CADPS: variants seen among roughly 807,000 people sequenced by gnomAD.
CADPS encodes calcium-dependent secretion activator 1.
CADPS carries 57 observed loss-of-function variants against 167.3 expected under a neutral mutation model. That is an observed-to-expected ratio of 0.34 (90% CI 0.28 to 0.42). The LOEUF (loss-of-function observed/expected upper bound fraction) is 0.42. Ranked by LOEUF, CADPS falls within the 20% of genes least tolerant of loss-of-function variation. CADPS has a pLI of 1.00. For missense variants in CADPS, 1,414 were observed against 1,738.1 expected (o/e 0.81, Z 3.32); for synonymous variants, 676 against 635.3 (o/e 1.06, Z -0.96).
chr3:62,580,076 G>A (rs752645319), intron 8 of CADPS, among the ~76,000 whole-genome samples: 3 of 152,180 alleles, frequency 2.0e-5, no homozygotes, highest in Non-Finnish European at 4.4e-5. Flanking sequence ...AGGACTGCCT[G>A]AGGCTAAGAG....
At chr3:62,607,811 C>T (rs757854512) in intron 6 of CADPS, among the ~76,000 whole-genome samples, 5 of 152,190 alleles carry the variant, frequency 3.3e-5, no homozygotes, top group African/African-American at 4.8e-5. Context: ...CAGGGACTGG[C>T]TTGTGGGTTT....
chr3:62,500,818 G>C (rs531389882), intron 17 of CADPS, among the ~76,000 whole-genome samples: 1 of 152,080 alleles, frequency 6.6e-6, no homozygotes, highest in Admixed American at 6.6e-5. Context: ...CAAAAAAAAA[G>C]GTTCTTAATA....
At chr3:62,750,353 CAAAAAAAAAAA>C (rs56069272) in intron 3 of CADPS, among the ~76,000 whole-genome samples, 2 of 44,890 alleles carry the variant, frequency 4.5e-5, no homozygotes, top group Non-Finnish European at 7.6e-5. Flanking sequence ...TCTTAAGCTC[CAAAAAAAAAAA>C]AAAAAAAAAA....
rs775850925 is a variant in CADPS, at chr3:62,420,861, A to AACACAC, written c.3777+17237_3777+17242dup. 6.1e-3 allele frequency among the ~76,000 whole-genome samples: 813 copies of AACACAC among 133,930 alleles called. 5 individuals are homozygous for AACACAC. The highest frequency in any genetic ancestry group is 0.017 in the East Asian group (77 of 4,634). The allele number at this position is 133,930 out of a possible 152,430, so 87.9% of individuals were successfully genotyped here. The stretch of plus-strand genomic sequence containing the variant: ...TTTTCTCTTTATGGGAGGGAGAACG[A>AACACAC]ACACACACACACACACACACACACA... On this transcript the variant is annotated intron_variant, in intron 28 of 29. Transcript: ENST00000383710. This position sits in a 1 kb window ranked among gnomAD's most constrained non-coding sequence, Gnocchi z 4.1.
intron 2 of CADPS, among the ~76,000 whole-genome samples, chr3:62,757,809 T>C (rs1347897859): frequency 6.6e-6 from 1 of 152,152 alleles, no homozygotes; most frequent in Non-Finnish European, 1.5e-5. Flanking sequence ...CTCACAATCA[T>C]GGTGGAAGTC....
intron 26 of CADPS, among the ~76,000 whole-genome samples, chr3:62,453,003 T>C (rs2058263345): frequency 6.6e-6 from 1 of 151,870 alleles, no homozygotes; most frequent in South Asian, 2.1e-4. Context: ...TGTGGTTGTG[T>C]GCACCTATAT....
chr3:62,854,879 G>A (rs572153), intron 1 of CADPS, among the ~76,000 whole-genome samples: 10,839 of 152,010 alleles, frequency 0.071, 1,325 homozygotes, highest in African/African-American at 0.25. Flanking sequence ...TTATTTCAAA[G>A]ACTCAAACAT....
intron 13 of CADPS, chr3:62,530,767 G>T (rs1392281053): frequency 1.7e-5 from 22 of 1,288,166 alleles, no homozygotes; most frequent in Non-Finnish European, 2.1e-5. Context: ...TCCCTTCAGG[G>T]TCTGTATTTG....
intron 5 of CADPS, among the ~76,000 whole-genome samples, chr3:62,648,822 A>G (rs1324932100): frequency 6.6e-6 from 1 of 152,178 alleles, no homozygotes; most frequent in Admixed American, 6.6e-5. Context: ...AATTGGCAAT[A>G]ATCAAATTCA....
chr3:62,605,404 G>C (rs1163596481), intron 6 of CADPS, among the ~76,000 whole-genome samples: 1 of 152,204 alleles, frequency 6.6e-6, no homozygotes, highest in Non-Finnish European at 1.5e-5. Flanking sequence ...TCATCTAACA[G>C]CTTTATGATC....
At chr3:62,531,339 G>C (rs990845923) in intron 13 of CADPS, among the ~76,000 whole-genome samples, 5 of 152,144 alleles carry the variant, frequency 3.3e-5, no homozygotes, top group Admixed American at 2.0e-4. Context: ...CCAGGTATCA[G>C]AGTTTTCATG....
In CADPS at chr3:62,420,618, A is replaced by G. The variant is rs539011074; in HGVS notation, c.3778-17433T>C. On this transcript the variant is annotated intron_variant, in intron 28 of 29. Coordinates refer to ENST00000383710, the MANE Select transcript of CADPS (RefSeq NM_003716.4). This position sits in a 1 kb window ranked among gnomAD's most constrained non-coding sequence, Gnocchi z 4.1. ...AGGGAATATTTGGGTGTCCATAGCA[A>G]CTGCCCAATTAAGGGAGTCTAGAAA... 1.2e-3 allele frequency among the ~76,000 whole-genome samples: 186 copies of G among 152,304 alleles called. 1 individual carries two copies. The highest frequency in any genetic ancestry group is 2.3e-3 in the Non-Finnish European group (158 of 68,040).
chr3:62,843,938 G>C (rs1401977646), intron 1 of CADPS, among the ~76,000 whole-genome samples: 1 of 152,138 alleles, frequency 6.6e-6, no homozygotes, highest in African/African-American at 2.4e-5. Context: ...ATACTTTAAA[G>C]TGAGACATTA....
At chr3:62,541,175 AG>A (rs2075625903) in intron 11 of CADPS, among the ~76,000 whole-genome samples, 1 of 152,160 alleles carries the variant, frequency 6.6e-6, no homozygotes. Flanking sequence ...TGACATTTTA[AG>A]AACCAATTTC....
At chr3:62,410,977 T>G (rs1376958708) in intron 28 of CADPS, among the ~76,000 whole-genome samples, 2 of 152,126 alleles carry the variant, frequency 1.3e-5, no homozygotes, top group African/African-American at 4.8e-5. Context: ...TGGTGGTGTG[T>G]GCCTGTAGTC....
At chr3:62,672,218 C>G (rs1298788722) in intron 3 of CADPS, among the ~76,000 whole-genome samples, 2 of 152,106 alleles carry the variant, frequency 1.3e-5, no homozygotes, top group African/African-American at 4.8e-5. Context: ...CGGGCCTCAC[C>G]CTGGGACAGT....
chr3:62,514,467 G>GA lies in CADPS; in HGVS notation c.2581+1591dup, dbSNP rs1443380950. On this transcript the variant is annotated intron_variant, in intron 16 of 29. Transcript: ENST00000383710. The surrounding 1 kb of genome is among the most constrained non-coding windows in gnomAD (Gnocchi z 4.2). ...GAGGTACTTCTCTGAAAAGAGAGTT[G>GA]AAAAAAAAGAATTGGTTTCTTCAAA... Among the ~76,000 whole-genome samples the GA allele has an allele frequency of 4.0e-5, 6 of 151,566 alleles. No homozygotes were observed. The highest frequency in any genetic ancestry group is 7.4e-5 in the Non-Finnish European group (5 of 67,866).
intron 3 of CADPS, among the ~76,000 whole-genome samples, chr3:62,694,820 T>C (rs1041446921): frequency 6.6e-6 from 1 of 152,118 alleles, no homozygotes; most frequent in African/African-American, 2.4e-5. Context: ...GACTCAGTTA[T>C]ATTGCTGGTT....
At chr3:62,518,497 G>C (rs1410441378) in intron 13 of CADPS, among the ~76,000 whole-genome samples, 1 of 152,196 alleles carries the variant, frequency 6.6e-6, no homozygotes, top group African/African-American at 2.4e-5. Context: ...CAAACTGGTG[G>C]CTTGAAGGTT....
Sources: allele counts gnomAD v4.1 joint callset (sites outside exome capture counted in the v4.1 genomes callset), GRCh38; gene constraint gnomAD v4.1.1; non-coding constraint Gnocchi (gnomAD v3.1); transcripts MANE v1.5; gene names NCBI Gene and HGNC (gene_info 2026-07-23, HGNC 2026-07-21).